The following PTPRZ1 variants were observed in gnomAD, a reference collection of about 807,000 sequenced individuals.
The protein encoded by PTPRZ1 is protein tyrosine phosphatase receptor type Z1.
In PTPRZ1, 82 loss-of-function variants were observed where a neutral mutation model predicts 214.1. That is an observed-to-expected ratio of 0.38 (90% CI 0.32 to 0.46). The LOEUF (loss-of-function observed/expected upper bound fraction) is 0.46, where lower values mean the gene tolerates loss of function less well. Ranked by LOEUF, PTPRZ1 falls within the 20% of genes least tolerant of loss-of-function variation. PTPRZ1 has a pLI of 1.00. For synonymous variants in PTPRZ1, 945 were observed against 987.9 expected, an observed-to-expected ratio of 0.96 and a Z score of 0.81; for missense variants, 2,603 against 2,748.7, an observed-to-expected ratio of 0.95 and a Z score of 1.19.
chr7:121,918,563 A>G (rs1795492812), intron 1 of PTPRZ1, among the ~76,000 whole-genome samples: 1 of 152,172 alleles, frequency 6.6e-6, no homozygotes, highest in African/African-American at 2.4e-5. Flanking sequence ...AGATTTTAAA[A>G]TGGATTTCAA....
chr7:122,029,837 T>C (rs1799322504), intron 14 of PTPRZ1, among the ~76,000 whole-genome samples: 1 of 151,994 alleles, frequency 6.6e-6, no homozygotes, highest in Non-Finnish European at 1.5e-5. Flanking sequence ...GTTTGCTATT[T>C]TTCCTCTTTT....
intron 25 of PTPRZ1, among the ~76,000 whole-genome samples, chr7:122,053,049 G>C (rs528097419): frequency 6.6e-6 from 1 of 152,282 alleles, no homozygotes; most frequent in East Asian, 1.9e-4. Flanking sequence ...AGTCTTCAAT[G>C]AAAAACCACA....
At chr7:121,906,637 AAGGGGCTT>A (rs1795125241) in intron 1 of PTPRZ1, among the ~76,000 whole-genome samples, 1 of 152,116 alleles carries the variant, frequency 6.6e-6, no homozygotes, top group African/African-American at 2.4e-5. Context: ...GATTTGTTTG[AAGGGGCTT>A]GGGTTTTTCC....
intron 2 of PTPRZ1, among the ~76,000 whole-genome samples, chr7:121,941,797 G>A (rs1390412216): frequency 6.6e-6 from 1 of 152,084 alleles, no homozygotes; most frequent in East Asian, 1.9e-4. Flanking sequence ...TCTTTACCAA[G>A]CAATAAAGTC....
chr7:121,915,633 T>A (rs1033113640), intron 1 of PTPRZ1, among the ~76,000 whole-genome samples: 1 of 152,218 alleles, frequency 6.6e-6, no homozygotes, highest in Admixed American at 6.5e-5. Context: ...ACAAAATGCA[T>A]ATTATGTGAT....
intron 1 of PTPRZ1, among the ~76,000 whole-genome samples, chr7:121,904,915 C>T (rs940187447): frequency 1.3e-5 from 2 of 152,150 alleles, no homozygotes; most frequent in African/African-American, 4.8e-5. Context: ...TTAGCTTTTA[C>T]ATGAACCTAA....
Position 122,011,766 on chromosome 7 carries a change from A to C in PTPRZ1, c.2720A>C (p.Gln907Pro). 4 of 1,614,114 alleles carry C rather than the reference A, an allele frequency of 2.5e-6. No individual in the cohort carries two copies. The highest frequency in any genetic ancestry group is 3.4e-6 in the Non-Finnish European group (4 of 1,180,004). The part of the protein sequence containing the change: ...GVLYKTLMFS[Q>P]VEPPSSDAMM... Reference sequence around the variant, plus strand: ...CTTTATAAAACGCTTATGTTTTCTCAAGTTGAACCACCCAGCAGTGATGCC... The same window carrying C: ...CTTTATAAAACGCTTATGTTTTCTCCAGTTGAACCACCCAGCAGTGATGCC... The change falls in exon 12 of 30, where the codon CAA (glutamine) becomes CCA (proline). Residue 907 changes from glutamine (Q) to proline (P), a missense_variant. This residue lies in a region of PTPRZ1 where 1,913 missense variants were observed against 1,914.3 expected (regional missense o/e 1.00). Transcript: ENST00000393386.
chr7:121,953,947 T>C (rs1796633508), intron 2 of PTPRZ1, among the ~76,000 whole-genome samples: 1 of 152,150 alleles, frequency 6.6e-6, no homozygotes, highest in South Asian at 2.1e-4. Flanking sequence ...GGCACCATCA[T>C]CCTCAGTCAT....
chr7:121,927,905 A>G (rs1795811771), intron 1 of PTPRZ1, among the ~76,000 whole-genome samples: 1 of 152,144 alleles, frequency 6.6e-6, no homozygotes, highest in South Asian at 2.1e-4. Flanking sequence ...TCATTACCTA[A>G]ATATGTACTT....
chr7:121,908,938 AT>A (rs1349087303), intron 1 of PTPRZ1: 1 of 517,108 alleles, frequency 1.9e-6, no homozygotes. Context: ...TTCATTTAGG[AT>A]TTGCAGAATA....
At chr7:122,006,578 C>A (rs1798492428) in intron 11 of PTPRZ1, among the ~76,000 whole-genome samples, 1 of 151,888 alleles carries the variant, frequency 6.6e-6, no homozygotes, top group African/African-American at 2.4e-5. Flanking sequence ...AATAGAGATA[C>A]CTAAAGCTAT....
At chr7:122,038,496 A>C (rs1799615924) in intron 18 of PTPRZ1, among the ~76,000 whole-genome samples, 1 of 149,308 alleles carries the variant, frequency 6.7e-6, no homozygotes, top group African/African-American at 2.5e-5. Flanking sequence ...GTGTCAAAGC[A>C]AAGAGAGCTA....
chr7:121,921,324 C>A (rs1230376368), intron 1 of PTPRZ1, among the ~76,000 whole-genome samples: 3 of 152,098 alleles, frequency 2.0e-5, no homozygotes, highest in Non-Finnish European at 4.4e-5. Flanking sequence ...GAAAGCATGT[C>A]CAGTGTCTAA....
chr7:121,899,465 A>T (rs1233001816), intron 1 of PTPRZ1, among the ~76,000 whole-genome samples: 1 of 152,210 alleles, frequency 6.6e-6, no homozygotes, highest in South Asian at 2.1e-4. Flanking sequence ...TTAAGTTATC[A>T]GAAGTTTTGT....
At chr7:121,899,309 T>C (rs1171286622) in intron 1 of PTPRZ1, among the ~76,000 whole-genome samples, 1 of 152,224 alleles carries the variant, frequency 6.6e-6, no homozygotes, top group East Asian at 1.9e-4. Flanking sequence ...TACCTTCTAA[T>C]ACTTGCAAGT....
chr7:121,987,807 G>A (rs776150536), intron 8 of PTPRZ1, among the ~76,000 whole-genome samples: 1 of 152,162 alleles, frequency 6.6e-6, no homozygotes, highest in Non-Finnish European at 1.5e-5. Context: ...TTAAAAAAAT[G>A]TAGTACATAT....
At chr7:121,946,060 G>A (rs572584416) in intron 2 of PTPRZ1, among the ~76,000 whole-genome samples, 107 of 152,320 alleles carry the variant, frequency 7.0e-4, no homozygotes, top group Non-Finnish European at 1.2e-3. Context: ...TTGCTCAGGA[G>A]TCTTGGCTGC....
chr7:121,977,702 A>G (rs980279290), intron 6 of PTPRZ1, among the ~76,000 whole-genome samples: 15 of 151,522 alleles, frequency 9.9e-5, no homozygotes, highest in Admixed American at 2.6e-4. Context: ...CCTGCAGGGT[A>G]GCTTTTATTT....
chr7:122,059,885 C>T lies in PTPRZ1; in HGVS notation c.6804C>T (p.Asp2268=), dbSNP rs1792514632. The T allele has an allele frequency of 1.9e-6, 3 of 1,608,686 alleles. No individual in the cohort carries two copies. In the East Asian group the frequency reaches 6.7e-5, roughly 36 times the overall value. The change falls in exon 29 of 30, where the codon GAC becomes GAT. Residue 2268 remains aspartate, a synonymous_variant. Coordinates refer to ENST00000393386, the MANE Select transcript of PTPRZ1 (RefSeq NM_002851.3). The part of the protein sequence containing the change: ...INLMRPGVFA[D]IEQYQFLYKV... Reference sequence around the variant, plus strand: ...TGATGAGGCCAGGAGTCTTTGCTGACATTGTAAGTAACAAGGCAGTGAACG... The same window carrying T: ...TGATGAGGCCAGGAGTCTTTGCTGATATTGTAAGTAACAAGGCAGTGAACG...
Sources: gnomAD v4.1 joint callset for allele counts (sites outside exome capture counted in the v4.1 genomes callset) on GRCh38, gnomAD v4.1.1 for gene constraint, gnomAD v4.1.1 regional missense constraint, MANE v1.5 for transcripts, NCBI Gene and HGNC (gene_info 2026-07-23, HGNC 2026-07-21) for gene names.